PAICS: variants seen among roughly 807,000 people sequenced by gnomAD.
The protein encoded by PAICS is bifunctional phosphoribosylaminoimidazole carboxylase/phosphoribosylaminoimidazole succinocarboxamide synthetase.
PAICS carries 33 observed loss-of-function variants against 53.7 expected under a neutral mutation model. The observed-to-expected ratio is 0.61, with a 90% CI of 0.47 to 0.82. PAICS has a LOEUF of 0.82. Ranked by LOEUF, PAICS falls within the 40% of genes least tolerant of loss-of-function variation. PAICS has a pLI of 0.00. For missense variants in PAICS, 394 were observed against 494.1 expected (o/e 0.80, Z 1.92); for synonymous variants, 141 against 167.2 (o/e 0.84, Z 1.21).
At chr4:56,436,558 AAAGGTGCCTGG>A in intron 1 of PAICS, 1 of 706,254 alleles carries the variant, frequency 1.4e-6, no homozygotes, top group East Asian at 2.7e-5. Flanking sequence ...CAAGGGGTGG[AAAGGTGCCTGG>A]AAGTATTATT....
At chr4:56,445,242 T>C (rs1718551320) in intron 2 of PAICS, among the ~76,000 whole-genome samples, 1 of 151,974 alleles carries the variant, frequency 6.6e-6, no homozygotes, top group Non-Finnish European at 1.5e-5. Context: ...CTACATGACC[T>C]AGTGTGTGAA....
chr4:56,432,650 T>TG (rs1341785559), upstream of PAICS, among the ~76,000 whole-genome samples: 4 of 149,748 alleles, frequency 2.7e-5, no homozygotes, highest in East Asian at 2.0e-4. Context: ...CCGGGCGTGG[T>TG]GGGGGGCGCC....
rs1225475816 is a variant in PAICS at position 56,441,740 on chromosome 4, C to A, written c.94C>A (p.Leu32Ile). The A allele has an allele frequency of 6.2e-7, 1 of 1,604,516 alleles. No individual in the cohort carries two copies. Among genetic ancestry groups the A allele is most frequent in the Non-Finnish European group, 8.5e-7 (1 of 1,174,508 alleles). ...YELLDSPGKV[L>I]LQSKDQITAG... ...ATTGTTAGACAGTCCAGGAAAAGTC[C>A]TCCTGCAGTCCAAGGACCAGATTAC... Residue 32 changes from leucine to isoleucine, a missense_variant, in exon 2 of 9, where the codon CTC becomes ATC. Leu to Ile is a conservative substitution (Grantham distance 5). Around this residue, in one of 3 missense-constraint regions of PAICS, gnomAD observed 168 missense variants for 199.3 expected, o/e 0.84. Coordinates refer to ENST00000512576, the MANE Select transcript of PAICS (RefSeq NM_001079524.2).
the PAICS span, chr4:56,410,702 T>C: frequency 1.0e-6 from 1 of 986,394 alleles, no homozygotes; most frequent in South Asian, 4.7e-5. Context: ...CTGGGCTAAG[T>C]ACAAAAATCT....
chr4:56,411,215 T>C, the PAICS span, among the ~76,000 whole-genome samples: 1 of 152,288 alleles, frequency 6.6e-6, no homozygotes, highest in South Asian at 2.1e-4. Context: ...CTAAAAATAG[T>C]TTAAGTTTTA....
intron 1 of PAICS, among the ~76,000 whole-genome samples, chr4:56,438,904 G>A (rs1039548878): frequency 3.4e-4 from 52 of 152,234 alleles, no homozygotes; most frequent in African/African-American, 8.2e-4. Context: ...GGACAGCAGA[G>A]TCCTAGAATT....
intron 8 of PAICS, among the ~76,000 whole-genome samples, chr4:56,458,456 T>A (rs1719337739): frequency 6.6e-6 from 1 of 152,202 alleles, no homozygotes; most frequent in Non-Finnish European, 1.5e-5. Flanking sequence ...AAGCACTTTA[T>A]CTATGTTATT....
At chr4:56,441,243 T>C (rs2110082397) in intron 1 of PAICS, among the ~76,000 whole-genome samples, 1 of 152,324 alleles carries the variant, frequency 6.6e-6, no homozygotes, top group East Asian at 1.9e-4. Flanking sequence ...TGTGAGTGTG[T>C]CTGTGAAAAT....
intron 7 of PAICS, among the ~76,000 whole-genome samples, chr4:56,453,046 G>A (rs1718994959): frequency 6.6e-6 from 1 of 152,126 alleles, no homozygotes; most frequent in African/African-American, 2.4e-5. Context: ...TCTGCTTTAG[G>A]AAACAGGAGG....
intron 1 of PAICS, among the ~76,000 whole-genome samples, chr4:56,438,141 A>G (rs1326022893): frequency 6.6e-6 from 1 of 151,938 alleles, no homozygotes; most frequent in Non-Finnish European, 1.5e-5. Context: ...CAAATCCTGA[A>G]TACTGCTATC....
At chr4:56,443,183 ATTT>A (rs976730583) in intron 2 of PAICS, among the ~76,000 whole-genome samples, 1 of 152,006 alleles carries the variant, frequency 6.6e-6, no homozygotes, top group African/African-American at 2.4e-5. Context: ...TATTTATTTT[ATTT>A]TTTTATTTAT....
In PAICS at chr4:56,441,626, T is replaced by G. The variant is rs200742942; in HGVS notation, c.17-37T>G. ...ATTTAGTCTTCAGCATTCAGGAAGT[T>G]TCTGAATTTTGGTCTATTTCCATTT... On this transcript the variant is annotated intron_variant, in intron 1 of 8. Coordinates refer to ENST00000512576, the MANE Select transcript of PAICS (RefSeq NM_001079524.2). The G allele has an allele frequency of 4.0e-6, 4 of 1,004,842 alleles. No homozygotes were observed. The African/African-American group carries it at 4.9e-5, about 12-fold the overall frequency. The allele number at this position is 1,004,842 out of a possible 1,614,324, so 62.2% of individuals were successfully genotyped here.
intron 8 of PAICS, among the ~76,000 whole-genome samples, chr4:56,457,017 C>T (rs2110099424): frequency 6.6e-6 from 1 of 152,268 alleles, no homozygotes; most frequent in Admixed American, 6.5e-5. Context: ...CAACCCCTCA[C>T]ATTAGTGTCT....
At chr4:56,426,574 G>A in the PAICS span, among the ~76,000 whole-genome samples, 1 of 152,026 alleles carries the variant, frequency 6.6e-6, no homozygotes, top group Non-Finnish European at 1.5e-5. Context: ...TTGTTTCACG[G>A]TTCATCCACG....
chr4:56,431,085 A>C (rs551920377), upstream of PAICS, among the ~76,000 whole-genome samples: 6 of 152,286 alleles, frequency 3.9e-5, no homozygotes, highest in Non-Finnish European at 8.8e-5. Context: ...CAAAGACTGG[A>C]ACAATTTGCA....
intron 5 of PAICS, among the ~76,000 whole-genome samples, chr4:56,449,387 G>T: frequency 6.6e-6 from 1 of 152,212 alleles, no homozygotes; most frequent in East Asian, 1.9e-4. Flanking sequence ...GAGAGGCTAT[G>T]AAGAAATAGG....
chr4:56,458,760 T>A (rs1719352975), intron 8 of PAICS, among the ~76,000 whole-genome samples: 1 of 152,168 alleles, frequency 6.6e-6, no homozygotes, highest in Non-Finnish European at 1.5e-5. Context: ...TAGCAAACAC[T>A]AGACATAATA....
chr4:56,440,693 G>A (rs1248446670), intron 1 of PAICS, among the ~76,000 whole-genome samples: 1 of 152,112 alleles, frequency 6.6e-6, no homozygotes, highest in Non-Finnish European at 1.5e-5. Flanking sequence ...GTCTAGACTA[G>A]TCCCATAGTC....
chr4:56,451,676 C>G (rs1011648121), intron 6 of PAICS, among the ~76,000 whole-genome samples, 196 bp from the exon 7 acceptor site: 1 of 152,026 alleles, frequency 6.6e-6, no homozygotes, highest in African/African-American at 2.4e-5. Context: ...TTCTTTAGGT[C>G]TTGATGAAGA....
Sources: gnomAD v4.1 joint callset for allele counts (sites outside exome capture counted in the v4.1 genomes callset) on GRCh38, gnomAD v4.1.1 for gene constraint, gnomAD v4.1.1 regional missense constraint, MANE v1.5 for transcripts, NCBI Gene and HGNC (gene_info 2026-07-23, HGNC 2026-07-21) for gene names.